ATP8B3: variants seen among roughly 807,000 people sequenced by gnomAD.
ATP8B3 encodes the protein phospholipid-transporting ATPase IK.
ATP8B3 carries 141 observed loss-of-function variants against 140.9 expected under a neutral mutation model. The ratio of observed to expected loss-of-function variants is 1.00; its 90% confidence interval spans 0.87 to 1.15. ATP8B3 has a LOEUF of 1.15. Ranked by LOEUF, ATP8B3 falls within the 50% of genes most tolerant of loss-of-function variation. The pLI is 0.00. For missense variants in ATP8B3, 1,874 were observed against 1,740.6 expected, an observed-to-expected ratio of 1.08 and a Z score of -1.36; for synonymous variants, 765 against 714.6, an observed-to-expected ratio of 1.07 and a Z score of -1.13.
At chr19:1,785,090 C>T (rs192519682) in intron 27 of ATP8B3, 69 bp downstream of exon 27, 7 of 1,486,612 alleles carry the variant, frequency 4.7e-6, no homozygotes, top group Non-Finnish European at 6.3e-6. Flanking sequence ...TCATGAGCAA[C>T]CTGCAACCTC....
In ATP8B3 at chr19:1,805,016, C is replaced by A. The variant is rs1369629233; in HGVS notation, c.904+358G>T. Among the ~76,000 whole-genome samples, 1 of 152,220 alleles carries A rather than the reference C, an allele frequency of 6.6e-6. No individual in the cohort carries two copies. Among genetic ancestry groups the A allele is most frequent in the Non-Finnish European group, 1.5e-5 (1 of 68,042 alleles). ...TTGACACAGGGGTCTCACTCTGTTG[C>A]CCAGGCTGAGTGCAGTGATGTGATC... is the stretch of plus-strand genomic sequence containing the variant. On this transcript the variant is annotated intron_variant, in intron 10 of 28. Coordinates refer to ENST00000310127, the MANE Select transcript of ATP8B3 (RefSeq NM_138813.4). The surrounding 1 kb of genome is among the most constrained non-coding windows in gnomAD (Gnocchi z 5.2).
intron 4 of ATP8B3, among the ~76,000 whole-genome samples, chr19:1,809,406 C>T (rs1186215510): frequency 6.6e-5 from 9 of 137,174 alleles, no homozygotes; most frequent in East Asian, 4.9e-4. Context: ...GCTTGAACCC[C>T]GGAGGTGGAG....
At chr19:1,796,631 C>T (rs1362088248) in intron 16 of ATP8B3, 80 bp downstream of exon 16, 16 of 1,504,890 alleles carry the variant, frequency 1.1e-5, no homozygotes, top group East Asian at 6.9e-5. Flanking sequence ...GAAGATGGGC[C>T]GGGTGAGCTG....
chr19:1,785,786 G>A (rs2068287929), intron 25 of ATP8B3, 78 bp from the exon 26 acceptor site: 3 of 1,459,000 alleles, frequency 2.1e-6, no homozygotes, highest in Non-Finnish European at 2.8e-6. Context: ...CCTCGGGCAG[G>A]CCAGTAGGGT....
At chr19:1,810,168 G>T (rs978108623) in intron 3 of ATP8B3, among the ~76,000 whole-genome samples, 17 of 152,256 alleles carry the variant, frequency 1.1e-4, no homozygotes, top group African/African-American at 4.1e-4. Flanking sequence ...TCAGTACTAG[G>T]GTTGGAGACT....
intron 17 of ATP8B3, 31 bp downstream of exon 17, chr19:1,796,046 G>T (rs202196611): frequency 1.2e-6 from 2 of 1,611,772 alleles, no homozygotes; most frequent in Non-Finnish European, 1.7e-6. Context: ...CCCCACCTTG[G>T]GGGGCCCAGG....
chr19:1,783,459 C>A (rs974143132), intron 28 of ATP8B3, among the ~76,000 whole-genome samples, 189 bp from the exon 29 acceptor site: 1 of 152,104 alleles, frequency 6.6e-6, no homozygotes, highest in Non-Finnish European at 1.5e-5. Flanking sequence ...GGACTCTAGT[C>A]CTTTGCTTTT....
chr19:1,808,207 G>C lies in ATP8B3; in HGVS notation c.516+15C>G, dbSNP rs771735070. The C allele has an allele frequency of 5.6e-6, 9 of 1,594,916 alleles. No individual in the cohort carries two copies. The South Asian group carries it at 1.0e-4, about 18-fold the overall frequency. ...TGGCTAGGGGGGACTTCCTGGAGGA[G>C]GCAACACGCCTCACCTGCAGGATGA... On this transcript the variant is annotated intron_variant, in intron 5 of 28. Transcript: ENST00000310127.
rs780339733 is a variant in ATP8B3, at chr19:1,783,229, G to C, written c.3702C>G (p.Thr1234=). 3 of 1,611,820 alleles carry C rather than the reference G, an allele frequency of 1.9e-6. No homozygotes were observed. The highest frequency in any genetic ancestry group is 2.5e-6 in the Non-Finnish European group (3 of 1,179,030). The change falls in exon 29 of 29, where the codon ACC becomes ACG. Residue 1234 remains threonine (T), a synonymous_variant. Transcript: ENST00000310127. ...GGTGTACATGAGGCAAGGGCTCCAT[G>C]GTGAAAATCTCCTCGCTGGGGCCCT... The part of the protein sequence containing the change: ...VEEGPSEEIF[T]MEPLPHVHRE...
chr19:1,789,688 G>C lies in ATP8B3; in HGVS notation c.2518C>G (p.Leu840Val). ...TCGTCCATGTTCACGTTCTGCGCCA[G>C]GGCGCGCGGCTCCTTCCGCAGGGAC... ...LVSLRKEPRA[L>V]AQNVNMDEAW... Residue 840 changes from leucine to valine, a missense_variant, in exon 23 of 29, where the codon CTG becomes GTG. By Grantham distance (32) the Leu-to-Val change is conservative. Coordinates refer to ENST00000310127, the MANE Select transcript of ATP8B3 (RefSeq NM_138813.4). The C allele has an allele frequency of 1.3e-6, 2 of 1,593,108 alleles. No individual in the cohort carries two copies. The highest frequency in any genetic ancestry group is 1.3e-5 in the African/African-American group (1 of 74,608).
Position 1,801,998 on chromosome 19 carries a change from C to A in ATP8B3, c.1110G>T (p.Lys370Asn). The change falls in exon 12 of 29, where the codon AAG (lysine) becomes AAT (asparagine). Residue 370 changes from lysine (K) to asparagine (N), a missense_variant. By Grantham distance (94) the Lys-to-Asn change is moderately conservative. Coordinates refer to ENST00000310127, the MANE Select transcript of ATP8B3 (RefSeq NM_138813.4). The part of the protein sequence containing the change: ...IMKNCGKIHL[K>N]RTKLDLLMNK... ...TCATCAGGAGGTCCAGCTTGGTTCT[C>A]TTCAAATGGATCTTGCCACAGTTCT... 1 of 1,612,678 alleles carries A rather than the reference C, an allele frequency of 6.2e-7. No individual in the cohort carries two copies. Among genetic ancestry groups the A allele is most frequent in the Non-Finnish European group, 8.5e-7 (1 of 1,179,740 alleles).
intron 14 of ATP8B3, among the ~76,000 whole-genome samples, chr19:1,798,509 C>T (rs2068748133): frequency 6.6e-6 from 1 of 151,960 alleles, no homozygotes; most frequent in Non-Finnish European, 1.5e-5. Flanking sequence ...GAGGCTGAGG[C>T]AGGCAGATCA....
In ATP8B3 at chr19:1,808,349, C is replaced by G; in HGVS notation, c.403-14G>C. ...GATGACATTGGTCTGGAACGAGAGC[C>G]GCGGGCTGCCTGGCAGAGGGGTGCC... On this transcript the variant is annotated splice_polypyrimidine_tract_variant and intron_variant, in intron 4 of 28. Coordinates refer to ENST00000310127, the MANE Select transcript of ATP8B3 (RefSeq NM_138813.4). 6.2e-7 allele frequency: 1 copy of G among 1,600,290 alleles called. No individual in the cohort carries two copies. The highest frequency in any genetic ancestry group is 2.2e-5 in the East Asian group (1 of 44,582).
At chr19:1,788,800 G>T (rs577429299) in intron 24 of ATP8B3, 97 bp downstream of exon 24, 14 of 1,193,020 alleles carry the variant, frequency 1.2e-5, no homozygotes, top group Non-Finnish European at 1.5e-5. Context: ...AGGATCCCAG[G>T]GTTCTCAGTG....
chr19:1,805,907 C>G lies in ATP8B3; in HGVS notation c.802G>C (p.Glu268Gln). The G allele has an allele frequency of 6.2e-7, 1 of 1,612,954 alleles. No individual in the cohort carries two copies. The highest frequency in any genetic ancestry group is 1.1e-5 in the South Asian group (1 of 91,088). The change falls in exon 9 of 29, where the codon GAG (glutamate) becomes CAG (glutamine). Residue 268 changes from glutamate (E) to glutamine (Q), a missense_variant. Around this residue, in one of 3 missense-constraint regions of ATP8B3, gnomAD observed 1,032 missense variants for 963.6 expected, o/e 1.07. Transcript: ENST00000310127. The surrounding 1 kb of genome is among the most constrained non-coding windows in gnomAD (Gnocchi z 5.2). ...CCTCACCCGTCAATGTCCACCGTCT[C>G]CACATAGCACAGGCTGCTGGGCTCC... is the stretch of plus-strand genomic sequence containing the variant. ...STEPSSLCYV[E>Q]TVDIDGETNL...
intron 4 of ATP8B3, among the ~76,000 whole-genome samples, chr19:1,808,569 T>TAAC (rs1466184144): frequency 2.6e-5 from 4 of 152,054 alleles, no homozygotes; most frequent in East Asian, 3.9e-4. Flanking sequence ...AGGCCAGCAT[T>TAAC]TACTGAGCAC....
intron 18 of ATP8B3, among the ~76,000 whole-genome samples, chr19:1,792,596 ATAGAAAAAAC>A (rs2068548540): frequency 6.8e-6 from 1 of 146,556 alleles, no homozygotes; most frequent in African/African-American, 2.5e-5. Context: ...AAAAAAAAAA[ATAGAAAAAAC>A]AATAGAAAGA....
Position 1,800,063 on chromosome 19 carries a change from C to CT in ATP8B3, c.1435dup (p.Ser479LysfsTer50). ...GCCCAGGTGGTCGTTGAGGCTGGTG[C>CT]TGCGGGCCTTGGCAGGCACGTCCTG... On this transcript the variant is annotated frameshift_variant, in exon 14 of 29. Coordinates refer to ENST00000310127, the MANE Select transcript of ATP8B3 (RefSeq NM_138813.4). LOFTEE classifies it high-confidence loss of function. This position sits in a 1 kb window ranked among gnomAD's most constrained non-coding sequence, Gnocchi z 4.4. 6.3e-7 allele frequency: 1 copy of CT among 1,591,914 alleles called. No individual in the cohort carries two copies. The highest frequency in any genetic ancestry group is 8.6e-7 in the Non-Finnish European group (1 of 1,169,324).
Position 1,796,794 on chromosome 19 carries a change from C to T in ATP8B3, c.1670G>A (p.Gly557Glu). ...AALLHLVRTN[G>E]DEAVREFWRL... ...CCAGAACTCCCGCACGGCCTCGTCC[C>T]CGTTGGTCCGCACGAGGTGCAGCAG... Residue 557 changes from glycine (G) to glutamate (E), a missense_variant, in exon 16 of 29, where the codon GGG (glycine) becomes GAG (glutamate). This residue lies in a region of ATP8B3 where 1,032 missense variants were observed against 963.6 expected (regional missense o/e 1.07). Transcript: ENST00000310127. The T allele has an allele frequency of 6.2e-7, 1 of 1,612,570 alleles. No individual in the cohort carries two copies. Among genetic ancestry groups the T allele is most frequent in the Admixed American group, 1.7e-5 (1 of 59,998 alleles).
Sources: allele counts gnomAD v4.1 joint callset (sites outside exome capture counted in the v4.1 genomes callset), GRCh38; gene constraint gnomAD v4.1.1; regional missense constraint gnomAD v4.1.1; non-coding constraint Gnocchi (gnomAD v3.1); transcripts MANE v1.5; gene names NCBI Gene and HGNC (gene_info 2026-07-23, HGNC 2026-07-21).